ZNF577: variants seen among roughly 807,000 people sequenced by gnomAD.
ZNF577 encodes zinc finger protein 577.
A neutral mutation model predicts 13.9 loss-of-function variants in ZNF577; 14 were observed. That is an observed-to-expected ratio of 1.00 (90% CI 0.66 to 1.57). The LOEUF is 1.57. Among genes scored for constraint, ZNF577 ranks in the 40% most tolerant of loss-of-function variants. ZNF577 has a pLI of 0.00. For synonymous variants in ZNF577, 203 were observed against 202.9 expected (o/e 1.00, Z 0.00); for missense variants, 555 against 579.2 (o/e 0.96, Z 0.43).
intron 9 of ZNF577, among the ~76,000 whole-genome samples, chr19:51,813,220 C>T (rs775798917): frequency 6.6e-6 from 1 of 151,760 alleles, no homozygotes; most frequent in Non-Finnish European, 1.5e-5. Flanking sequence ...AAGGTGCTAG[C>T]AGATGCAGTA....
At chr19:51,822,253 G>A (rs2084195778) in intron 9 of ZNF577, among the ~76,000 whole-genome samples, 1 of 152,194 alleles carries the variant, frequency 6.6e-6, no homozygotes, top group Non-Finnish European at 1.5e-5. Flanking sequence ...TTATTGCCCA[G>A]AATTTAGTCA....
intron 9 of ZNF577, among the ~76,000 whole-genome samples, chr19:51,831,616 T>A (rs1182283229): frequency 6.6e-6 from 1 of 151,778 alleles, no homozygotes; most frequent in Non-Finnish European, 1.5e-5. Context: ...CAGCCAAAGT[T>A]TTTTTTTTCT....
intron 9 of ZNF577, among the ~76,000 whole-genome samples, chr19:51,836,994 A>C (rs2084290731): frequency 6.7e-6 from 1 of 149,974 alleles, no homozygotes; most frequent in Non-Finnish European, 1.5e-5. Context: ...CAGTGAGCCC[A>C]GAGGGCGCCA....
At chr19:51,851,635 GAC>G (rs1489337751) in intron 5 of ZNF577, among the ~76,000 whole-genome samples, 12 of 152,092 alleles carry the variant, frequency 7.9e-5, no homozygotes, top group African/African-American at 2.4e-4. Flanking sequence ...CAACTCCCCA[GAC>G]ACCTTATTTC....
At chr19:51,865,100 A>AT (rs905420722), downstream of ZNF577, among the ~76,000 whole-genome samples, 53 of 150,846 alleles carry the variant, frequency 3.5e-4, no homozygotes, top group Admixed American at 1.1e-3. Context: ...TTTCCCAAAG[A>AT]TTTTTTTTTT....
rs761843125 is a variant in ZNF577, at chr19:51,873,264, G to A, written c.726C>T (p.Tyr242=). The change falls in exon 6 of 6, where the codon TAC becomes TAT. Residue 242 remains tyrosine (Y), a synonymous_variant. Transcript: ENST00000638348. ...AGGCTTTTCCGCATTTGCTGCATCT[G>A]TAGGGTTTCTCTCCTGTATGGGTTC... ...HQRTHTGEKP[Y]RCSKCGKAFS... 2 of 1,613,024 alleles carry A rather than the reference G, an allele frequency of 1.2e-6. No individual in the cohort carries two copies. Among genetic ancestry groups the A allele is most frequent in the East Asian group, 2.2e-5 (1 of 44,876 alleles).
At position 51,870,278 on chromosome 19, in the gene ZNF577, C is replaced by T. The variant is rs931718235; in HGVS notation, c.*2254G>A. On this transcript the variant is annotated 3_prime_UTR_variant, in exon 6 of 6. Coordinates refer to ENST00000638348, the MANE Select transcript of ZNF577 (RefSeq NM_001370449.1). ...TTATATTTTCCTGCTTCTTTGCACA[C>T]CTGGGTAAGTTTGTATTGGATGCCA... Among the ~76,000 whole-genome samples the T allele has an allele frequency of 1.3e-5, 2 of 152,168 alleles. No homozygotes were observed. The highest frequency in any genetic ancestry group is 4.8e-5 in the African/African-American group (2 of 41,432).
chr19:51,873,973 TG>T, intron 5 of ZNF577, among the ~76,000 whole-genome samples: 2 of 152,342 alleles, frequency 1.3e-5, no homozygotes, highest in East Asian at 3.9e-4. Context: ...TGGTTTTGGC[TG>T]GCTTTTATAA....
At chr19:51,855,399 G>GTGTGTGTA (rs1555745587) in intron 5 of ZNF577, among the ~76,000 whole-genome samples, 42 of 142,584 alleles carry the variant, frequency 2.9e-4, no homozygotes, top group African/African-American at 9.0e-4. Flanking sequence ...GTGTGTGTGT[G>GTGTGTGTA]TGTGTGTGTC....
chr19:51,849,215 C>T lies in ZNF577; in HGVS notation c.284-4284G>A, dbSNP rs373063122. Among the ~76,000 whole-genome samples, 23 of 152,218 alleles carry T rather than the reference C, an allele frequency of 1.5e-4. 1 individual carries two copies. The South Asian group carries it at 3.1e-3, about 21-fold the overall frequency. ...AGGGTAAGTTTAACAAAATAGGTTG[C>T]GCATACAAAACAGGTTGTGCATGGA... On this transcript the variant is annotated intron_variant and NMD_transcript_variant, in intron 5 of 10. Coordinates refer to the ZNF577 transcript ENST00000638827.
At chr19:51,828,609 T>C (rs1334173286) in intron 9 of ZNF577, among the ~76,000 whole-genome samples, 2 of 152,134 alleles carry the variant, frequency 1.3e-5, no homozygotes, top group South Asian at 4.1e-4. Flanking sequence ...TCAATTCCCA[T>C]TGCATTATGA....
At chr19:51,814,176 T>C (rs957559709) in intron 9 of ZNF577, among the ~76,000 whole-genome samples, 1 of 152,208 alleles carries the variant, frequency 6.6e-6, no homozygotes, top group Non-Finnish European at 1.5e-5. Flanking sequence ...AAAAAATAGT[T>C]GACTCCTGTT....
At chr19:51,854,651 C>A (rs759457942) in intron 5 of ZNF577, among the ~76,000 whole-genome samples, 13 of 151,854 alleles carry the variant, frequency 8.6e-5, no homozygotes, top group Non-Finnish European at 1.3e-4. Context: ...AATTTATTGA[C>A]CTTCTCAGAT....
chr19:51,847,020 A>C (rs2084356420), intron 5 of ZNF577, among the ~76,000 whole-genome samples: 1 of 152,140 alleles, frequency 6.6e-6, no homozygotes, highest in East Asian at 1.9e-4. Flanking sequence ...ATTTGTCATA[A>C]TGGAAAAACT....
intron 9 of ZNF577, among the ~76,000 whole-genome samples, chr19:51,828,334 C>A (rs2084242306): frequency 6.7e-6 from 1 of 150,258 alleles, no homozygotes; most frequent in Non-Finnish European, 1.5e-5. Flanking sequence ...TGCCACTGCA[C>A]TCTAGCCTGG....
At chr19:51,879,810 T>TGCGTGCAAATGTAC (rs1253479654) in intron 3 of ZNF577, among the ~76,000 whole-genome samples, 1 of 152,146 alleles carries the variant, frequency 6.6e-6, no homozygotes, top group Non-Finnish European at 1.5e-5. Context: ...TTGAATCTCT[T>TGCGTGCAAATGTAC]GCGTGCAAAT....
chr19:51,824,787 G>C lies in ZNF577; in HGVS notation c.*600-13113C>G, dbSNP rs1414335153. On this transcript the variant is annotated intron_variant and NMD_transcript_variant, in intron 9 of 10. Coordinates refer to the ZNF577 transcript ENST00000638827. The surrounding 1 kb of genome is among the most constrained non-coding windows in gnomAD (Gnocchi z 4.7). ...CACCACTTCTGCTTCACCTCCTGAG[G>C]AGACGGAGTTACAAGCAATGTGAGG... The C allele has an allele frequency of 4.3e-6, 7 of 1,612,800 alleles. No individual in the cohort carries two copies. Among genetic ancestry groups the C allele is most frequent in the Non-Finnish European group, 5.9e-6 (7 of 1,179,226 alleles).
rs188410619 is a variant in ZNF577 at position 51,836,657 on chromosome 19, A to G, written c.*599+3236T>C. Among the ~76,000 whole-genome samples, 539 of 152,352 alleles carry G rather than the reference A, an allele frequency of 3.5e-3. 2 individuals are homozygous for G. Among genetic ancestry groups the G allele is most frequent in the African/African-American group, 0.013 (520 of 41,580 alleles). ...CTGGAAGTAACTCAGATGTCTGTCA[A>G]CTGGTGAGTGGATACACTATAGCAT... On this transcript the variant is annotated intron_variant and NMD_transcript_variant, in intron 9 of 10. Transcript: ENST00000638827.
At chr19:51,850,127 ATCT>A (rs973987208) in intron 5 of ZNF577, among the ~76,000 whole-genome samples, 20 of 152,298 alleles carry the variant, frequency 1.3e-4, no homozygotes, top group African/African-American at 4.8e-4. Context: ...TAAAGCACTA[ATCT>A]TCTCCAAAGA....
Sources: gnomAD v4.1 joint callset for allele counts (sites outside exome capture counted in the v4.1 genomes callset) on GRCh38, gnomAD v4.1.1 for gene constraint, Gnocchi (gnomAD v3.1) non-coding constraint, MANE v1.5 for transcripts, NCBI Gene and HGNC (gene_info 2026-07-23, HGNC 2026-07-21) for gene names.